The following SARNP variants were observed in gnomAD, a reference collection of about 807,000 sequenced individuals.
SARNP encodes the protein SAP domain containing ribonucleoprotein.
Under a neutral mutation model 38.1 loss-of-function variants are expected in SARNP, and 5 were observed. The observed-to-expected ratio is 0.13, with a 90% CI of 0.07 to 0.28. The LOEUF is 0.28. SARNP is among the 10% of genes least tolerant of loss of function. The pLI, the probability that SARNP is intolerant of heterozygous loss-of-function variation, is 1.00. For synonymous variants in SARNP, 84 were observed against 80.6 expected, an observed-to-expected ratio of 1.04 and a Z score of -0.23; for missense variants, 180 against 243.9, an observed-to-expected ratio of 0.74 and a Z score of 1.75.
intron 9 of SARNP, among the ~76,000 whole-genome samples, chr12:55,765,837 T>C (rs1399200949): frequency 6.6e-6 from 1 of 152,116 alleles, no homozygotes; most frequent in East Asian, 1.9e-4. Context: ...CTTTCCTCCT[T>C]TCCCTGCAGG....
chr12:55,806,790 C>T (rs1480069572), intron 1 of SARNP, among the ~76,000 whole-genome samples: 3 of 152,070 alleles, frequency 2.0e-5, no homozygotes, highest in South Asian at 2.1e-4. Context: ...CACCTGCCTC[C>T]GCCTCCCAAA....
At chr12:55,760,339 T>TA (rs1448034226) in intron 10 of SARNP, 2 of 537,372 alleles carry the variant, frequency 3.7e-6, no homozygotes. Context: ...CATCTCTACT[T>TA]AAATAAATAA....
chr12:55,813,616 C>T (rs1293498341), intron 1 of SARNP, among the ~76,000 whole-genome samples: 1 of 142,200 alleles, frequency 7.0e-6, no homozygotes, highest in Non-Finnish European at 1.5e-5. Flanking sequence ...GCCATATCGG[C>T]TCACCGCAAC....
In SARNP at chr12:55,811,605, A is replaced by AAACC. The variant is rs1192734074; in HGVS notation, c.36+6057_36+6060dup. ...CAAACAAACAAACAAACAAACAAAC[A>AAACC]AACCACAGCTTGTAAATAGTAGACC... On this transcript the variant is annotated intron_variant, in intron 1 of 10. Transcript: ENST00000336133. Among the ~76,000 whole-genome samples, 537 of 149,674 alleles carry AAACC rather than the reference A, an allele frequency of 3.6e-3. 115 individuals carry two copies. Among genetic ancestry groups the AAACC allele is most frequent in the Middle Eastern group, 6.8e-3 (2 of 294 alleles).
chr12:55,777,085 G>C (rs1004002365), intron 9 of SARNP, among the ~76,000 whole-genome samples: 1 of 152,116 alleles, frequency 6.6e-6, no homozygotes, highest in Admixed American at 6.5e-5. Flanking sequence ...ATTATGGAGG[G>C]GGTATTGACC....
chr12:55,782,665 C>T (rs536785181), intron 9 of SARNP, among the ~76,000 whole-genome samples: 231 of 152,222 alleles, frequency 1.5e-3, no homozygotes, highest in African/African-American at 5.4e-3. Context: ...TGGCTCACTG[C>T]AGTCTCGAGT....
chr12:55,754,101 C>T (rs1247898141), downstream of SARNP: 1 of 152,240 alleles, frequency 6.6e-6, no homozygotes, highest in Non-Finnish European at 1.5e-5. Flanking sequence ...TGACCCCACT[C>T]GAGACCAACT....
At chr12:55,777,231 A>AC (rs1384131163) in intron 9 of SARNP, among the ~76,000 whole-genome samples, 2 of 152,310 alleles carry the variant, frequency 1.3e-5, no homozygotes, top group East Asian at 1.9e-4. Flanking sequence ...TCAGCCATGC[A>AC]CCTTTAGGGA....
At chr12:55,757,187 C>T (rs1176907785), downstream of SARNP, 1 of 200,426 alleles carries the variant, frequency 5.0e-6, no homozygotes, top group African/African-American at 2.3e-5. Context: ...GGCCAATTCT[C>T]TATAATATTT....
chr12:55,777,162 T>C (rs1176542835), intron 9 of SARNP, among the ~76,000 whole-genome samples: 1 of 152,108 alleles, frequency 6.6e-6, no homozygotes, highest in Non-Finnish European at 1.5e-5. Flanking sequence ...AGGTGCAAAT[T>C]CAATGAATGA....
At position 55,777,082 on chromosome 12, in the gene SARNP, A is replaced by AGG. The variant is rs149128002; in HGVS notation, c.501+11991_501+11992dup. On this transcript the variant is annotated intron_variant, in intron 9 of 10. Coordinates refer to ENST00000336133, the MANE Select transcript of SARNP (RefSeq NM_033082.4). ...ACGAAGGAATGCAAAGACATTATGG[A>AGG]GGGGGTATTGACCAGGGAAAATAGA... Among the ~76,000 whole-genome samples, 709 of 152,332 alleles carry AGG rather than the reference A, an allele frequency of 4.7e-3. 4 individuals carry two copies. The highest frequency in any genetic ancestry group is 0.016 in the African/African-American group (684 of 41,572).
intron 1 of SARNP, among the ~76,000 whole-genome samples, chr12:55,816,862 T>C (rs1319481260): frequency 6.6e-6 from 1 of 152,134 alleles, no homozygotes; most frequent in Non-Finnish European, 1.5e-5. Flanking sequence ...TGTGATTCAG[T>C]GTCAGCCAAT....
chr12:55,767,925 A>C (rs1296010640), intron 9 of SARNP, among the ~76,000 whole-genome samples: 1 of 151,944 alleles, frequency 6.6e-6, no homozygotes, highest in African/African-American at 2.4e-5. Flanking sequence ...AATGAGCAAA[A>C]TCACCAAAGG....
rs953348327 is a variant in SARNP at position 55,785,349 on chromosome 12, C to T, written c.501+3726G>A. Among the ~76,000 whole-genome samples the T allele has an allele frequency of 2.6e-5, 4 of 152,176 alleles. No homozygotes were observed. In the East Asian group the frequency reaches 5.8e-4, roughly 22 times the overall value. On this transcript the variant is annotated intron_variant, in intron 9 of 10. Transcript: ENST00000336133. ...TGATCAACTAAAACTAAAATTGAGT[C>T]AAGTTAATTGACTCAGTTTTAAGGC...
intron 9 of SARNP, among the ~76,000 whole-genome samples, chr12:55,784,406 C>T (rs1051195469): frequency 6.6e-6 from 1 of 152,164 alleles, no homozygotes; most frequent in Admixed American, 6.5e-5. Flanking sequence ...TAGTTAAGCA[C>T]AAGAACTAGG....
At chr12:55,760,887 C>G in intron 9 of SARNP, 1 of 403,748 alleles carries the variant, frequency 2.5e-6, no homozygotes, top group East Asian at 3.8e-5. Flanking sequence ...GGTAAAGAAA[C>G]AGTAAGAGGC....
intron 9 of SARNP, among the ~76,000 whole-genome samples, chr12:55,775,843 A>C (rs1879166169): frequency 6.6e-6 from 1 of 152,200 alleles, no homozygotes; most frequent in Non-Finnish European, 1.5e-5. Flanking sequence ...GAACTATCCC[A>C]TAATTGTTCA....
At chr12:55,785,142 AGTT>A (rs1472847041) in intron 9 of SARNP, among the ~76,000 whole-genome samples, 1 of 152,246 alleles carries the variant, frequency 6.6e-6, no homozygotes, top group African/African-American at 2.4e-5. Flanking sequence ...TTTTTAAACT[AGTT>A]TTTTGCCACA....
chr12:55,792,288 T>C (rs1371915190), intron 7 of SARNP, among the ~76,000 whole-genome samples: 1 of 152,162 alleles, frequency 6.6e-6, no homozygotes, highest in African/African-American at 2.4e-5. Flanking sequence ...TTTTCTTACT[T>C]AAAACTACTG....
Sources: allele counts gnomAD v4.1 joint callset (sites outside exome capture counted in the v4.1 genomes callset), GRCh38; gene constraint gnomAD v4.1.1; transcripts MANE v1.5; gene names NCBI Gene and HGNC (gene_info 2026-07-23, HGNC 2026-07-21).